The following HSF2BP variants were observed in gnomAD, a reference collection of about 807,000 sequenced individuals.
HSF2BP encodes the protein heat shock factor 2-binding protein.
HSF2BP carries 35 observed loss-of-function variants against 35.0 expected under a neutral mutation model. The observed-to-expected ratio is 1.00, with a 90% CI of 0.76 to 1.32. The LOEUF is 1.32. HSF2BP is among the 40% of genes most tolerant of loss of function. The pLI, the probability that HSF2BP is intolerant of heterozygous loss-of-function variation, is 0.00. For missense variants in HSF2BP, 326 were observed against 321.7 expected, an observed-to-expected ratio of 1.01 and a Z score of -0.10; for synonymous variants, 114 against 117.4, an observed-to-expected ratio of 0.97 and a Z score of 0.18.
intron 7 of HSF2BP, among the ~76,000 whole-genome samples, chr21:43,612,952 T>C (rs1445261603): frequency 6.6e-6 from 1 of 152,222 alleles, no homozygotes; most frequent in African/African-American, 2.4e-5. Flanking sequence ...ACGCTGATTA[T>C]GTCATTGCCT....
intron 3 of HSF2BP, among the ~76,000 whole-genome samples, chr21:43,649,498 G>A (rs953275609): frequency 6.6e-6 from 1 of 151,986 alleles, no homozygotes. Context: ...ACACTAGTTC[G>A]CATTCACTGC....
chr21:43,642,780 G>T (rs118018030), intron 4 of HSF2BP, among the ~76,000 whole-genome samples: 2,603 of 148,672 alleles, frequency 0.018, 31 homozygotes, highest in Middle Eastern at 0.035. Flanking sequence ...TGCATTTACT[G>T]GAATGGCTTC....
intron 7 of HSF2BP, among the ~76,000 whole-genome samples, chr21:43,595,786 G>T: frequency 8.9e-6 from 1 of 112,784 alleles, no homozygotes; most frequent in Admixed American, 1.3e-4. Context: ...GTGCAGTGGC[G>T]CCATCTCGGC....
chr21:43,599,327 A>G (rs1455374133), intron 7 of HSF2BP, among the ~76,000 whole-genome samples: 1 of 152,254 alleles, frequency 6.6e-6, no homozygotes, highest in African/African-American at 2.4e-5. Context: ...CTTCTAGGTC[A>G]CACAAGAGTT....
chr21:43,581,484 C>G (rs1016877703), intron 8 of HSF2BP, among the ~76,000 whole-genome samples: 9 of 152,174 alleles, frequency 5.9e-5, no homozygotes, highest in Non-Finnish European at 1.2e-4. Flanking sequence ...TACAGCCCAC[C>G]TGGACAGGGA....
chr21:43,630,181 T>C (rs577010419), intron 6 of HSF2BP, 141 bp downstream of exon 6: 6 of 614,914 alleles, frequency 9.8e-6, no homozygotes, highest in African/African-American at 9.4e-5. Flanking sequence ...TACAACAGAC[T>C]ACAGTATAGT....
chr21:43,648,956 A>G (rs1395663312), intron 3 of HSF2BP, among the ~76,000 whole-genome samples: 1 of 152,218 alleles, frequency 6.6e-6, no homozygotes, highest in African/African-American at 2.4e-5. Context: ...TCAAATTCAC[A>G]AAAACTAATG....
intron 7 of HSF2BP, among the ~76,000 whole-genome samples, chr21:43,599,867 CAAA>C (rs11379827): frequency 3.0e-5 from 4 of 132,530 alleles, no homozygotes; most frequent in Admixed American, 1.5e-4. Context: ...CTTCCAATGA[CAAA>C]AAAAAAAAAA....
At chr21:43,656,905 T>G (rs978219801) in intron 2 of HSF2BP, among the ~76,000 whole-genome samples, 168 bp from the exon 3 acceptor site, 1 of 152,208 alleles carries the variant, frequency 6.6e-6, no homozygotes, top group Non-Finnish European at 1.5e-5. Context: ...CATACAAACA[T>G]TTTGAAAGCT....
intron 4 of HSF2BP, among the ~76,000 whole-genome samples, chr21:43,643,406 G>A (rs560554739): frequency 2.6e-5 from 4 of 152,232 alleles, no homozygotes; most frequent in South Asian, 2.1e-4. Flanking sequence ...CTCATGAAGC[G>A]ATTAATGTGC....
At chr21:43,613,101 C>T (rs1454649) in intron 7 of HSF2BP, among the ~76,000 whole-genome samples, 101,617 of 152,134 alleles carry the variant, frequency 0.67, 34,406 homozygotes, top group East Asian at 0.79. Context: ...TTGAAGTAAA[C>T]TTTTTAACAA....
At chr21:43,586,352 G>C (rs1415366018) in intron 8 of HSF2BP, among the ~76,000 whole-genome samples, 1 of 152,156 alleles carries the variant, frequency 6.6e-6, no homozygotes, top group Admixed American at 6.5e-5. Flanking sequence ...ATAGCAACTG[G>C]TCTCGTACTC....
At chr21:43,643,486 G>A (rs1307278677) in intron 4 of HSF2BP, among the ~76,000 whole-genome samples, 5 of 152,128 alleles carry the variant, frequency 3.3e-5, no homozygotes, top group Non-Finnish European at 5.9e-5. Flanking sequence ...GGTTGGTAAA[G>A]AGTCTGGCTT....
At chr21:43,582,405 C>T (rs1349508564) in intron 8 of HSF2BP, among the ~76,000 whole-genome samples, 1 of 127,364 alleles carries the variant, frequency 7.9e-6, no homozygotes, top group East Asian at 2.6e-4. Context: ...TGAGGGCCTG[C>T]TGCAGGAGAT....
chr21:43,598,425 T>C (rs983638290), intron 7 of HSF2BP, among the ~76,000 whole-genome samples: 6 of 151,592 alleles, frequency 4.0e-5, no homozygotes, highest in African/African-American at 1.2e-4. Flanking sequence ...TTTCACCATG[T>C]TGGCCAAGCT....
chr21:43,505,421 T>C, the HSF2BP span, among the ~76,000 whole-genome samples: 2 of 107,632 alleles, frequency 1.9e-5, 1 homozygote, highest in Non-Finnish European at 3.8e-5. Flanking sequence ...TCGCTCACCG[T>C]GGCCAGAGCT....
At chr21:43,628,567 A>G (rs2082416282) in intron 6 of HSF2BP, among the ~76,000 whole-genome samples, 2 of 152,274 alleles carry the variant, frequency 1.3e-5, no homozygotes, top group African/African-American at 4.8e-5. Context: ...CATAAAAACA[A>G]CGTGCAGCAG....
chr21:43,574,839 C>T (rs1306651892), intron 8 of HSF2BP, among the ~76,000 whole-genome samples: 1 of 152,136 alleles, frequency 6.6e-6, no homozygotes, highest in Non-Finnish European at 1.5e-5. Flanking sequence ...CTCCTTGGGA[C>T]GGGGGTGCCG....
chr21:43,629,677 C>A (rs1250539443), intron 6 of HSF2BP, among the ~76,000 whole-genome samples: 2 of 151,970 alleles, frequency 1.3e-5, no homozygotes, highest in African/African-American at 2.4e-5. Context: ...TAACTACAGA[C>A]GTGGTGGCAG....
Sources: gnomAD v4.1 joint callset for allele counts (sites outside exome capture counted in the v4.1 genomes callset) on GRCh38, gnomAD v4.1.1 for gene constraint, MANE v1.5 for transcripts, NCBI Gene and HGNC (gene_info 2026-07-23, HGNC 2026-07-21) for gene names.